The following DNA2 variants were observed in gnomAD, a reference collection of about 807,000 sequenced individuals.
The protein encoded by DNA2 is DNA replication helicase/nuclease 2, also known as DNA replication ATP-dependent helicase/nuclease DNA2.
Under a neutral mutation model 119.1 loss-of-function variants are expected in DNA2, and 101 were observed. The observed-to-expected ratio is 0.85, with a 90% CI of 0.72 to 1.00. DNA2 has a LOEUF of 1.00. Ranked by LOEUF, DNA2 falls within the 50% of genes least tolerant of loss-of-function variation. The pLI, the probability that DNA2 is intolerant of heterozygous loss-of-function variation, is 0.00. For synonymous variants in DNA2, 366 were observed against 424.4 expected (o/e 0.86, Z 1.69); for missense variants, 1,121 against 1,255.5 (o/e 0.89, Z 1.62).
chr10:68,424,907 A>T, intron 14 of DNA2: 1 of 715,458 alleles, frequency 1.4e-6, no homozygotes, highest in Non-Finnish European at 2.6e-6. Flanking sequence ...AGGATCGGAA[A>T]AAAATTATTG....
At chr10:68,472,017 C>T (rs1395626973), upstream of DNA2, 11 of 1,608,674 alleles carry the variant, frequency 6.8e-6, no homozygotes, top group Admixed American at 6.7e-5. Context: ...CCAGGCCGCC[C>T]CTCCCGCGCC....
At chr10:68,471,708 T>A in intron 1 of DNA2, 83 bp downstream of exon 1, 1 of 1,461,218 alleles carries the variant, frequency 6.8e-7, no homozygotes, top group East Asian at 2.5e-5. Flanking sequence ...CCGGTCAGTC[T>A]GAGGCGGTGC....
intron 9 of DNA2, among the ~76,000 whole-genome samples, chr10:68,437,482 A>AAAAAT (rs2051905528): frequency 1.3e-5 from 2 of 151,194 alleles, no homozygotes; most frequent in East Asian, 2.0e-4. Flanking sequence ...ACTAAAAAAA[A>AAAAAT]AAAAATAAAA....
chr10:68,421,924 C>T (rs1670659488), intron 17 of DNA2, among the ~76,000 whole-genome samples: 1 of 151,964 alleles, frequency 6.6e-6, no homozygotes, highest in Non-Finnish European at 1.5e-5. Context: ...AAGCAATTCT[C>T]ATGCCTCAGC....
chr10:68,459,570 G>A (rs2052228487), intron 4 of DNA2, among the ~76,000 whole-genome samples: 1 of 152,160 alleles, frequency 6.6e-6, no homozygotes, highest in African/African-American at 2.4e-5. Flanking sequence ...GAGATAGAAA[G>A]TAGAATGGGG....
chr10:68,463,443 CA>C (rs35470662), intron 4 of DNA2, among the ~76,000 whole-genome samples: 6,901 of 59,376 alleles, frequency 0.12, 255 homozygotes, highest in African/African-American at 0.22. Flanking sequence ...GACTCCATCT[CA>C]AAAAAAAAAA....
intron 14 of DNA2, 47 bp downstream of exon 14, chr10:68,430,389 G>T: frequency 1.5e-6 from 2 of 1,339,182 alleles, no homozygotes; most frequent in Non-Finnish European, 1.0e-6. Context: ...CCTCATTCTG[G>T]CTGTGGACAT....
intron 17 of DNA2, 69 bp from the exon 18 acceptor site, chr10:68,419,961 C>T (rs750161366): frequency 2.4e-6 from 3 of 1,267,510 alleles, no homozygotes; most frequent in Non-Finnish European, 3.4e-6. Flanking sequence ...CGCAACTGGC[C>T]ATAAAGACTA....
rs200069526 is a variant in DNA2 at position 68,430,645 on chromosome 10, C to T, written c.1999G>A (p.Ala667Thr). 50 of 1,588,266 alleles carry T rather than the reference C, an allele frequency of 3.1e-5. No homozygotes were observed. In the African/African-American group the frequency reaches 5.9e-4, roughly 19 times the overall value. The part of the protein sequence containing the change: ...TICTLVRILY[A>T]CGFSVLLTSY... The stretch of plus-strand genomic sequence containing the variant: ...GTCAACAAAACGCTAAAACCACAGG[C>T]GTAGAGAATTCTTACCTAATAATGG... Residue 667 changes from alanine (A) to threonine (T), a missense_variant, in exon 14 of 21, where the codon GCC becomes ACC. Ala to Thr is a moderately conservative substitution (Grantham distance 58, BLOSUM62 0). Transcript: ENST00000358410.
At chr10:68,424,143 C>CA in intron 14 of DNA2, among the ~76,000 whole-genome samples, 1 of 151,852 alleles carries the variant, frequency 6.6e-6, no homozygotes, top group East Asian at 1.9e-4. Flanking sequence ...GAATATGAAC[C>CA]AAAAAACAAA....
rs1228444850 is a variant in DNA2, at chr10:68,422,903, A to G, written c.2209-13T>C. Reference sequence around the variant, plus strand: ...TTGCAACTATAAGCTAAAAACAAGGAAAACAGATCAGTTATTTAACATGTA... The same window carrying G: ...TTGCAACTATAAGCTAAAAACAAGGGAAACAGATCAGTTATTTAACATGTA... On this transcript the variant is annotated splice_polypyrimidine_tract_variant and intron_variant, in intron 14 of 20. Transcript: ENST00000358410. The G allele has an allele frequency of 1.3e-6, 2 of 1,525,392 alleles. No homozygotes were observed. The highest frequency in any genetic ancestry group is 1.3e-5 in the South Asian group (1 of 79,302). The allele number at this position is 1,525,392 out of a possible 1,614,324, so 94.5% of individuals were successfully genotyped here. A position where few individuals can be genotyped will look rare whatever the true frequency, so the allele number is the denominator to read the frequency against.
chr10:68,415,330 G>A (rs987039820), intron 20 of DNA2, among the ~76,000 whole-genome samples: 1 of 149,700 alleles, frequency 6.7e-6, no homozygotes, highest in African/African-American at 2.5e-5. Flanking sequence ...AGGCTGGAGT[G>A]CAATGGTGCG....
intron 5 of DNA2, among the ~76,000 whole-genome samples, chr10:68,454,937 AG>A (rs1013941296): frequency 4.7e-5 from 5 of 106,434 alleles, no homozygotes; most frequent in Non-Finnish European, 9.6e-5. Flanking sequence ...AGATAAAATT[AG>A]GATTTTTTTT....
At chr10:68,421,183 C>T (rs1053304243) in intron 17 of DNA2, among the ~76,000 whole-genome samples, 9 of 152,052 alleles carry the variant, frequency 5.9e-5, no homozygotes, top group African/African-American at 2.2e-4. Flanking sequence ...TGATCCACCC[C>T]CCTCGGCCTC....
At chr10:68,417,375 G>T (rs758398214) in intron 19 of DNA2, among the ~76,000 whole-genome samples, 10 of 46,272 alleles carry the variant, frequency 2.2e-4, no homozygotes, top group Non-Finnish European at 4.3e-4. Flanking sequence ...CTAAGGAGAG[G>T]TAAAAATAAG....
intron 4 of DNA2, 86 bp downstream of exon 4, chr10:68,465,581 G>T (rs963814653): frequency 4.1e-6 from 4 of 986,314 alleles, no homozygotes; most frequent in Non-Finnish European, 5.6e-6. Context: ...AATTTATATT[G>T]GATAGTCTAC....
At position 68,469,925 on chromosome 10, in the gene DNA2, T is replaced by C. The variant is rs2052366344; in HGVS notation, c.257+56A>G. 3.3e-6 allele frequency: 5 copies of C among 1,498,494 alleles called. No individual in the cohort carries two copies. In the South Asian group the frequency reaches 4.0e-5, roughly 12 times the overall value. 92.8% of individuals were successfully genotyped at this position (1,498,494 alleles called of 1,614,324 possible). A position where few individuals can be genotyped will look rare whatever the true frequency, so the allele number is the denominator to read the frequency against. On this transcript the variant is annotated intron_variant, in intron 2 of 20. Coordinates refer to ENST00000358410, the MANE Select transcript of DNA2 (RefSeq NM_001080449.3). Reference sequence around the variant, plus strand: ...ACATTCACAGAAGCCATTTGATGAGTTTTACGACAGTACCCTTAAGATTCA... The same window carrying C: ...ACATTCACAGAAGCCATTTGATGAGCTTTACGACAGTACCCTTAAGATTCA...
chr10:68,444,515 G>A (rs113073682), intron 8 of DNA2, among the ~76,000 whole-genome samples: 7,031 of 151,776 alleles, frequency 0.046, 530 homozygotes, highest in African/African-American at 0.16. Context: ...ACCTGAGTTC[G>A]GGAGTTGGAG....
At chr10:68,457,590 G>A (rs746077755) in intron 5 of DNA2, among the ~76,000 whole-genome samples, 1 of 152,042 alleles carries the variant, frequency 6.6e-6, no homozygotes, top group Non-Finnish European at 1.5e-5. Flanking sequence ...AAAGTAGGCA[G>A]TTGTATGTTT....
Sources: allele counts gnomAD v4.1 joint callset (sites outside exome capture counted in the v4.1 genomes callset), GRCh38; gene constraint gnomAD v4.1.1; transcripts MANE v1.5; gene names NCBI Gene and HGNC (gene_info 2026-07-23, HGNC 2026-07-21).